Variants in DOCK2 observed in about 807,000 individuals in gnomAD.
DOCK2 encodes the protein dedicator of cytokinesis 2, also known as dedicator of cytokinesis protein 2.
Under a neutral mutation model 248.9 loss-of-function variants are expected in DOCK2, and 87 were observed. That is an observed-to-expected ratio of 0.35 (90% confidence interval 0.29 to 0.42). The LOEUF is 0.42. Ranked by LOEUF, DOCK2 falls within the 10% of genes least tolerant of loss-of-function variation. The probability of loss-of-function intolerance (pLI) is 1.00; values close to 1 mark genes in which losing one functional copy is unlikely to be tolerated. For synonymous variants in DOCK2, 805 were observed against 821.6 expected (o/e 0.98, Z 0.35); for missense variants, 1,747 against 2,300.2 (o/e 0.76, Z 4.92).
chr5:169,938,596 G>C (rs1776094987), intron 27 of DOCK2, among the ~76,000 whole-genome samples: 2 of 152,238 alleles, frequency 1.3e-5, no homozygotes, highest in Admixed American at 1.3e-4. Context: ...CATGAATGGA[G>C]CTTGGAAGTT....
Position 169,995,990 on chromosome 5 carries a change from C to T in DOCK2, c.2994-96C>T, listed in dbSNP as rs1034727945. ...TCAGTAATTTGGCCTTTGAGCCTCT[C>T]TCCAAAGAGGGTAAGGGAATTTTAG... On this transcript the variant is annotated intron_variant, in intron 29 of 51. Transcript: ENST00000520908. 2.2e-6 allele frequency: 3 copies of T among 1,363,766 alleles called. No homozygotes were observed. In the African/African-American group the frequency reaches 4.3e-5, roughly 20 times the overall value. 84.5% of individuals were successfully genotyped at this position (1,363,766 alleles called of 1,614,324 possible).
At chr5:169,841,041 G>A (rs1276649640) in intron 27 of DOCK2, among the ~76,000 whole-genome samples, 189 bp downstream of exon 27, 1 of 152,156 alleles carries the variant, frequency 6.6e-6, no homozygotes, top group African/African-American at 2.4e-5. Flanking sequence ...AAATAAAACA[G>A]GGCTTAGGAC....
At chr5:169,674,903 GT>G (rs1405725017) in intron 6 of DOCK2, among the ~76,000 whole-genome samples, 1 of 152,174 alleles carries the variant, frequency 6.6e-6, no homozygotes, top group African/African-American at 2.4e-5. Context: ...GGGAAGAGAA[GT>G]AAAAATTGGT....
At chr5:170,076,115 G>T in intron 47 of DOCK2, 31 bp downstream of exon 47, 3 of 1,610,848 alleles carry the variant, frequency 1.9e-6, no homozygotes, top group Non-Finnish European at 2.5e-6. Flanking sequence ...TTGGAGGGGT[G>T]GGATTGTGCA....
At chr5:169,803,768 C>T (rs190872712) in intron 26 of DOCK2, among the ~76,000 whole-genome samples, 288 of 151,992 alleles carry the variant, frequency 1.9e-3, no homozygotes, top group Middle Eastern at 3.4e-3. Flanking sequence ...TAGCTGGGGA[C>T]GGAAACCAAA....
At chr5:170,042,265 C>A in intron 38 of DOCK2, 133 bp downstream of exon 38, 1 of 1,149,386 alleles carries the variant, frequency 8.7e-7, no homozygotes, top group Non-Finnish European at 1.2e-6. Flanking sequence ...CACTTCTCTC[C>A]ACTTCCTCTC....
At chr5:169,860,636 C>G (rs531210889) in intron 27 of DOCK2, among the ~76,000 whole-genome samples, 8 of 152,364 alleles carry the variant, frequency 5.3e-5, no homozygotes, top group Non-Finnish European at 1.0e-4. Context: ...GAGACTCACT[C>G]TCCAGGTGTA....
At chr5:169,803,517 GGGA>G (rs1480936500) in intron 26 of DOCK2, among the ~76,000 whole-genome samples, 5 of 152,198 alleles carry the variant, frequency 3.3e-5, no homozygotes, top group South Asian at 4.1e-4. Flanking sequence ...TTGCAGGGGT[GGGA>G]GGAGGAGTTT....
At chr5:169,702,473 G>T (rs1218298862) in intron 14 of DOCK2, 46 bp downstream of exon 14, 3 of 1,606,214 alleles carry the variant, frequency 1.9e-6, no homozygotes, top group South Asian at 1.1e-5. Context: ...CGCCTTGGGG[G>T]CCTCTGCTTG....
At chr5:169,798,358 G>A (rs1368650241) in intron 25 of DOCK2, among the ~76,000 whole-genome samples, 1 of 152,178 alleles carries the variant, frequency 6.6e-6, no homozygotes, top group Non-Finnish European at 1.5e-5. Context: ...TCTAGGAATG[G>A]AGAACTTACT....
intron 23 of DOCK2, among the ~76,000 whole-genome samples, chr5:169,753,268 A>G (rs1261313890): frequency 1.3e-5 from 2 of 152,116 alleles, no homozygotes; most frequent in Non-Finnish European, 2.9e-5. Flanking sequence ...TACATGTGCC[A>G]TGGTGGTTTG....
intron 22 of DOCK2, among the ~76,000 whole-genome samples, chr5:169,742,315 C>T (rs1260819307): frequency 1.3e-5 from 2 of 152,144 alleles, no homozygotes; most frequent in African/African-American, 4.8e-5. Flanking sequence ...CTGCTAATGG[C>T]TTTATGTGCA....
intron 26 of DOCK2, among the ~76,000 whole-genome samples, chr5:169,821,251 T>C (rs1338016428): frequency 1.3e-5 from 2 of 152,080 alleles, no homozygotes; most frequent in Non-Finnish European, 2.9e-5. Context: ...AACACTCAAA[T>C]TCCAGAAATA....
At chr5:169,972,050 A>T (rs1777525448) in intron 27 of DOCK2, among the ~76,000 whole-genome samples, 1 of 152,246 alleles carries the variant, frequency 6.6e-6, no homozygotes, top group Non-Finnish European at 1.5e-5. Flanking sequence ...TATTTCCAAC[A>T]CAACTTCCCA....
chr5:170,045,627 G>A (rs983992703), intron 38 of DOCK2, among the ~76,000 whole-genome samples, 189 bp from the exon 39 acceptor site: 3 of 152,176 alleles, frequency 2.0e-5, no homozygotes, highest in South Asian at 2.1e-4. Context: ...AAGAAACTCC[G>A]GTGAGAGGCC....
Position 169,956,869 on chromosome 5 carries a change from G to A in DOCK2, c.2800-26199G>A, listed in dbSNP as rs556184399. Among the ~76,000 whole-genome samples the A allele has an allele frequency of 2.0e-5, 3 of 152,178 alleles. No homozygotes were observed. The South Asian group carries it at 6.2e-4, about 32-fold the overall frequency. On this transcript the variant is annotated intron_variant, in intron 27 of 51. Transcript: ENST00000520908. ...GGTCCAGGAATGCATCAAATATAAG[G>A]AAAATGTGTAGGATGTTTCTGTATT... is the stretch of plus-strand genomic sequence containing the variant.
intron 1 of DOCK2, among the ~76,000 whole-genome samples, chr5:169,642,362 A>G (rs975106489): frequency 2.6e-5 from 4 of 152,210 alleles, no homozygotes; most frequent in Non-Finnish European, 4.4e-5. Context: ...GAAGATGAAA[A>G]AGAATTTCAT....
intron 27 of DOCK2, among the ~76,000 whole-genome samples, chr5:169,868,314 A>G (rs150459589): frequency 2.0e-5 from 3 of 152,302 alleles, no homozygotes; most frequent in East Asian, 3.9e-4. Context: ...CTTCATCCAT[A>G]TGCTTCCACC....
chr5:169,823,242 AAG>A (rs1316755556), intron 26 of DOCK2, among the ~76,000 whole-genome samples: 1 of 152,230 alleles, frequency 6.6e-6, no homozygotes. Context: ...TCAATAGAAA[AAG>A]AGAGAATCCT....
Sources: gnomAD v4.1 joint callset for allele counts (sites outside exome capture counted in the v4.1 genomes callset) on GRCh38, gnomAD v4.1.1 for gene constraint, MANE v1.5 for transcripts, NCBI Gene and HGNC (gene_info 2026-07-23, HGNC 2026-07-21) for gene names.